Variants in IRF2 observed in about 807,000 individuals in gnomAD.
IRF2 encodes the protein interferon regulatory factor 2.
IRF2 carries 15 observed loss-of-function variants against 40.6 expected under a neutral mutation model. The observed-to-expected ratio is 0.37, with a 90% CI of 0.25 to 0.57. IRF2 has a LOEUF of 0.57. Ranked by LOEUF, IRF2 falls within the 20% of genes least tolerant of loss-of-function variation. The pLI, the probability that IRF2 is intolerant of heterozygous loss-of-function variation, is 0.77. For synonymous variants in IRF2, 151 were observed against 165.5 expected (o/e 0.91, Z 0.67); for missense variants, 317 against 455.7 (o/e 0.70, Z 2.77).
chr4:184,441,272 T>C (rs1325132076), intron 1 of IRF2, among the ~76,000 whole-genome samples: 1 of 152,210 alleles, frequency 6.6e-6, no homozygotes, highest in Non-Finnish European at 1.5e-5. Flanking sequence ...TTTGCAACTA[T>C]TAACTTGTTA....
chr4:184,409,379 C>A (rs1736987421), intron 5 of IRF2, among the ~76,000 whole-genome samples: 2 of 152,142 alleles, frequency 1.3e-5, no homozygotes, highest in Admixed American at 1.3e-4. Context: ...CCTTCATAAT[C>A]CCACCTGGCA....
Position 184,408,270 on chromosome 4 carries a change from T to G in IRF2, c.417A>C (p.Glu139Asp). 6.3e-7 allele frequency: 1 copy of G among 1,593,146 alleles called. No homozygotes were observed. Among genetic ancestry groups the G allele is most frequent in the Non-Finnish European group, 8.6e-7 (1 of 1,161,388 alleles). The change falls in exon 6 of 9, where the codon GAA becomes GAC. Residue 139 changes from glutamate (E) to aspartate (D), a missense_variant. Physicochemically the swap from Glu to Asp is conservative, Grantham distance 45. Coordinates refer to ENST00000393593, the MANE Select transcript of IRF2 (RefSeq NM_002199.4). This position sits in a 1 kb window ranked among gnomAD's most constrained non-coding sequence, Gnocchi z 4.9. ...KEDKVKHIKQ[E>D]PVESSLGLSN... ...TAAGCCCCAGAGATGACTCAACTGG[T>G]TCTTGCTAGGAAGAAGAAAAGAAAA...
At chr4:184,473,677 C>T (rs1739614477) in intron 1 of IRF2, among the ~76,000 whole-genome samples, 1 of 149,034 alleles carries the variant, frequency 6.7e-6, no homozygotes, top group Non-Finnish European at 1.5e-5. Context: ...TGGCACCCGA[C>T]GCCCGCGACC....
chr4:184,441,261 T>C (rs938386074), intron 1 of IRF2, among the ~76,000 whole-genome samples: 21 of 152,196 alleles, frequency 1.4e-4, no homozygotes, highest in Admixed American at 1.2e-3. Flanking sequence ...CCAGTAGACA[T>C]TTTGCAACTA....
At chr4:184,396,471 T>C (rs1029368169) in intron 7 of IRF2, among the ~76,000 whole-genome samples, 4 of 151,272 alleles carry the variant, frequency 2.6e-5, no homozygotes, top group African/African-American at 9.7e-5. Flanking sequence ...TCTCGCTCTG[T>C]CACCCAGGCT....
intron 8 of IRF2, among the ~76,000 whole-genome samples, chr4:184,389,448 A>G (rs183726041): frequency 6.6e-6 from 1 of 152,322 alleles, no homozygotes; most frequent in East Asian, 1.9e-4. Flanking sequence ...AAATTTTAAA[A>G]TGAAAAATGT....
intron 1 of IRF2, among the ~76,000 whole-genome samples, chr4:184,437,848 A>C (rs915547440): frequency 7.3e-5 from 10 of 137,490 alleles, no homozygotes; most frequent in East Asian, 2.2e-4. Flanking sequence ...AAAAAAAAAA[A>C]CCCACACACA....
Position 184,450,483 on chromosome 4 carries a change from A to G in IRF2, c.-6-21413T>C, listed in dbSNP as rs373372397. Among the ~76,000 whole-genome samples the G allele has an allele frequency of 2.4e-4, 37 of 152,346 alleles. 1 individual carries two copies. Among genetic ancestry groups the G allele is most frequent in the African/African-American group, 8.7e-4 (36 of 41,580 alleles). ...AATAGCACTGTTTAGTTCTGAAATG[A>G]AAAAATGTAATGCAAACTATTTCTG... On this transcript the variant is annotated intron_variant, in intron 1 of 8. Transcript: ENST00000393593.
At chr4:184,399,999 T>C (rs1736610473) in intron 6 of IRF2, among the ~76,000 whole-genome samples, 1 of 152,180 alleles carries the variant, frequency 6.6e-6, no homozygotes, top group African/African-American at 2.4e-5. Flanking sequence ...AACCAGAGTA[T>C]TGACATAAAT....
At chr4:184,439,377 C>T (rs971297603) in intron 1 of IRF2, among the ~76,000 whole-genome samples, 8 of 147,880 alleles carry the variant, frequency 5.4e-5, no homozygotes, top group Middle Eastern at 3.7e-3. Flanking sequence ...AGGTCCCTGG[C>T]CCCACTCTAA....
rs1177615413 is a variant in IRF2 at position 184,418,588 on chromosome 4, T to G, written c.308A>C (p.Asn103Thr). The G allele has an allele frequency of 5.6e-6, 9 of 1,614,238 alleles. No homozygotes were observed. Among genetic ancestry groups the G allele is most frequent in the Non-Finnish European group, 6.8e-6 (8 of 1,180,030 alleles). ...EVKDKSIKKGNNAFRVYRMLP... is the reference protein window; with the variant it reads ...EVKDKSIKKGTNAFRVYRMLP... ...CATTCGGTAGACCCTGAAGGCATTA[T>G]TTCCTTTCTTTATGCTTTTATCCTT... Residue 103 changes from asparagine (N) to threonine (T), a missense_variant, in exon 4 of 9, where the codon AAT (asparagine) becomes ACT (threonine). Asn to Thr is a moderately conservative substitution (Grantham distance 65). Coordinates refer to ENST00000393593, the MANE Select transcript of IRF2 (RefSeq NM_002199.4).
intron 1 of IRF2, among the ~76,000 whole-genome samples, chr4:184,455,249 C>CCCCCTT (rs1554017261): frequency 7.5e-4 from 42 of 56,358 alleles, no homozygotes; most frequent in South Asian, 1.9e-3. Context: ...TTCCTCCCCT[C>CCCCCTT]CCCTCCCCCT....
chr4:184,417,671 C>A (rs190567746), intron 5 of IRF2, among the ~76,000 whole-genome samples: 1 of 152,320 alleles, frequency 6.6e-6, no homozygotes. Context: ...CAGAAGGCAG[C>A]CATTGAGAGC....
chr4:184,394,997 A>C (rs76680729), intron 7 of IRF2, among the ~76,000 whole-genome samples: 7,467 of 152,278 alleles, frequency 0.049, 194 homozygotes, highest in South Asian at 0.075. Flanking sequence ...GAGAAGACAG[A>C]CTTGCAAAAC....
chr4:184,425,367 G>T (rs374861225), intron 2 of IRF2, among the ~76,000 whole-genome samples: 1 of 152,240 alleles, frequency 6.6e-6, no homozygotes, highest in African/African-American at 2.4e-5. Flanking sequence ...TAGGTATGGA[G>T]AGAAGAGATC....
At chr4:184,465,813 C>T (rs1739297669) in intron 1 of IRF2, among the ~76,000 whole-genome samples, 1 of 152,222 alleles carries the variant, frequency 6.6e-6, no homozygotes, top group African/African-American at 2.4e-5. Flanking sequence ...CGTGTACATA[C>T]ATCTTTGTTC....
chr4:184,388,968 G>A lies in IRF2; in HGVS notation c.840C>T (p.Phe280=), dbSNP rs756415740. The A allele has an allele frequency of 1.7e-5, 27 of 1,614,064 alleles. No individual in the cohort carries two copies. In the South Asian group the frequency reaches 1.9e-4, roughly 11 times the overall value. The change falls in exon 9 of 9, where the codon TTC becomes TTT. Residue 280 remains phenylalanine (F), a synonymous_variant. Coordinates refer to ENST00000393593, the MANE Select transcript of IRF2 (RefSeq NM_002199.4). This position sits in a 1 kb window ranked among gnomAD's most constrained non-coding sequence, Gnocchi z 4.6. Reference sequence around the variant, plus strand: ...GGAGGTCCGGTTTGTTGGAAGTGACGAAGGACGCCATGCCGGGCAGCAGGT... The same window carrying A: ...GGAGGTCCGGTTTGTTGGAAGTGACAAAGGACGCCATGCCGGGCAGCAGGT... The part of the protein sequence containing the change: ...GSYLLPGMAS[F]VTSNKPDLQV...
chr4:184,444,654 C>A (rs1738437079), intron 1 of IRF2, among the ~76,000 whole-genome samples: 2 of 152,146 alleles, frequency 1.3e-5, no homozygotes, highest in Non-Finnish European at 2.9e-5. Context: ...GTAATAGAGT[C>A]AAATAATAGA....
chr4:184,445,432 T>A (rs1738469983), intron 1 of IRF2, among the ~76,000 whole-genome samples: 1 of 149,984 alleles, frequency 6.7e-6, no homozygotes, highest in Non-Finnish European at 1.5e-5. Context: ...GGCAGGCGGA[T>A]TACGTGAGCT....
Sources: allele counts gnomAD v4.1 joint callset (sites outside exome capture counted in the v4.1 genomes callset), GRCh38; gene constraint gnomAD v4.1.1; non-coding constraint Gnocchi (gnomAD v3.1); transcripts MANE v1.5; gene names NCBI Gene and HGNC (gene_info 2026-07-23, HGNC 2026-07-21).